DYNC2I1: variants seen among roughly 807,000 people sequenced by gnomAD.
DYNC2I1 encodes dynein 2 intermediate chain 1, also known as cytoplasmic dynein 2 intermediate chain 1.
Under a neutral mutation model 133.4 loss-of-function variants are expected in DYNC2I1, and 89 were observed. That is an observed-to-expected ratio of 0.67 (90% CI 0.56 to 0.80). The LOEUF (loss-of-function observed/expected upper bound fraction) is 0.80, where lower values mean the gene tolerates loss of function less well. Among genes scored for constraint, DYNC2I1 ranks in the 30% least tolerant of loss-of-function variants. The pLI, the probability that DYNC2I1 is intolerant of heterozygous loss-of-function variation, is 0.00. For missense variants in DYNC2I1, 1,291 were observed against 1,314.5 expected, an observed-to-expected ratio of 0.98 and a Z score of 0.28; for synonymous variants, 504 against 484.3, an observed-to-expected ratio of 1.04 and a Z score of -0.54.
rs1849601567 is a variant in DYNC2I1 at position 158,926,200 on chromosome 7, C to G, written c.2271C>G (p.Thr757=). 6.2e-7 allele frequency: 1 copy of G among 1,612,880 alleles called. No homozygotes were observed. The highest frequency in any genetic ancestry group is 1.7e-5 in the Admixed American group (1 of 59,882). ...TTTGAACTCCAGATGGAATCCTTAC[C>G]TCAGTAAACCACCGAAGCCCTCTTC... ...TATFSTDGIL[T]SVNHRSPLQA... The change falls in exon 18 of 25, where the codon ACC becomes ACG. Residue 757 remains threonine (T), a synonymous_variant. Coordinates refer to ENST00000407559, the MANE Select transcript of DYNC2I1 (RefSeq NM_018051.5).
At chr7:158,903,740 A>T (rs192411113) in intron 10 of DYNC2I1, 15 of 152,294 alleles carry the variant, frequency 9.8e-5, no homozygotes, top group Admixed American at 9.1e-4. Flanking sequence ...AGCACACAGG[A>T]TTTCCTGACA....
intron 23 of DYNC2I1, among the ~76,000 whole-genome samples, chr7:158,935,071 A>G (rs752439449): frequency 5.9e-5 from 9 of 152,372 alleles, no homozygotes; most frequent in Non-Finnish European, 1.2e-4. Context: ...AACCTATGAT[A>G]CAGCCAAAAA....
intron 13 of DYNC2I1, 103 bp from the exon 14 acceptor site, chr7:158,914,130 C>T (rs1345904026): frequency 4.6e-6 from 4 of 862,582 alleles, no homozygotes; most frequent in Non-Finnish European, 7.1e-6. Context: ...CCTTCTGGGA[C>T]TCTTAATGTT....
rs780645636 is a variant in DYNC2I1, at chr7:158,901,865, TA to T, written c.1137+54del. ...CCTTAGCTTAAAAATCATTTATTCTTAAAAATCAGCTTATATATAGTAATTT... is the reference window on the plus strand; with the variant it reads ...CCTTAGCTTAAAAATCATTTATTCTTAAAATCAGCTTATATATAGTAATTT... On this transcript the variant is annotated intron_variant, in intron 9 of 24. Transcript: ENST00000407559. The T allele has an allele frequency of 6.3e-5, 85 of 1,347,984 alleles. 3 individuals carry two copies. The South Asian group carries it at 1.1e-3, about 18-fold the overall frequency. 83.5% of individuals were successfully genotyped at this position (1,347,984 alleles called of 1,614,324 possible). A position where few individuals can be genotyped will look rare whatever the true frequency, so the allele number is the denominator to read the frequency against.
At chr7:158,943,398 G>A (rs540633427) in intron 24 of DYNC2I1, among the ~76,000 whole-genome samples, 13 of 152,322 alleles carry the variant, frequency 8.5e-5, no homozygotes, top group African/African-American at 3.1e-4. Context: ...GAAAGACAAT[G>A]AGCAGAGTGA....
intron 6 of DYNC2I1, among the ~76,000 whole-genome samples, chr7:158,885,686 A>G (rs1420642282): frequency 6.6e-6 from 1 of 152,130 alleles, no homozygotes; most frequent in Non-Finnish European, 1.5e-5. Context: ...GTTCTTTCTG[A>G]CAATCATATT....
At chr7:158,928,022 T>C (rs1849793036) in intron 20 of DYNC2I1, among the ~76,000 whole-genome samples, 1 of 152,224 alleles carries the variant, frequency 6.6e-6, no homozygotes, top group Non-Finnish European at 1.5e-5. Flanking sequence ...CTCTCAGTTT[T>C]GGATTTACAA....
chr7:158,944,422 G>T (rs2527199), intron 24 of DYNC2I1, among the ~76,000 whole-genome samples: 1 of 151,992 alleles, frequency 6.6e-6, no homozygotes, highest in African/African-American at 2.4e-5. Context: ...TTATTTGCCC[G>T]GTGTCAGGGA....
At chr7:158,856,805 G>A in intron 1 of DYNC2I1, 55 bp downstream of exon 1, 20 of 1,230,796 alleles carry the variant, frequency 1.6e-5, no homozygotes, top group Non-Finnish European at 2.0e-5. Flanking sequence ...GGACTCCTTC[G>A]GGCGCCGCTA....
chr7:158,843,417 C>T, the DYNC2I1 span, among the ~76,000 whole-genome samples: 63 of 152,226 alleles, frequency 4.1e-4, no homozygotes, highest in Admixed American at 3.1e-3. Context: ...CCCACCACAA[C>T]GCCTAATTTT....
intron 3 of DYNC2I1, among the ~76,000 whole-genome samples, chr7:158,871,893 A>G (rs1385778062): frequency 2.0e-5 from 3 of 152,140 alleles, no homozygotes; most frequent in Non-Finnish European, 2.9e-5. Flanking sequence ...TGAAATGTTC[A>G]TTTGTTATTT....
intron 8 of DYNC2I1, among the ~76,000 whole-genome samples, chr7:158,895,788 T>A (rs1322534485): frequency 6.6e-6 from 1 of 152,242 alleles, no homozygotes; most frequent in Non-Finnish European, 1.5e-5. Flanking sequence ...TTTATTTAGT[T>A]CTTTGTTTTT....
intron 1 of DYNC2I1, 91 bp downstream of exon 1, chr7:158,856,841 G>A (rs923899152): frequency 8.3e-7 from 1 of 1,210,978 alleles, no homozygotes; most frequent in East Asian, 3.2e-5. Context: ...CCCTCCCTTT[G>A]CGCAGCGGTT....
chr7:158,864,891 T>C (rs1036797995), intron 1 of DYNC2I1, among the ~76,000 whole-genome samples: 1 of 152,254 alleles, frequency 6.6e-6, no homozygotes. Flanking sequence ...GAGTGTTTTC[T>C]AAAAGAGGAG....
chr7:158,924,761 C>CT (rs760992706), intron 17 of DYNC2I1, among the ~76,000 whole-genome samples: 142 of 148,018 alleles, frequency 9.6e-4, no homozygotes, highest in East Asian at 6.3e-3. Context: ...ATACATCCTT[C>CT]TTTTTTTTTT....
intron 6 of DYNC2I1, among the ~76,000 whole-genome samples, chr7:158,886,616 T>G (rs1160696855): frequency 6.6e-6 from 1 of 152,220 alleles, no homozygotes; most frequent in African/African-American, 2.4e-5. Context: ...AAAAAAATTA[T>G]TTTTTGAGAA....
At chr7:158,896,458 A>G (rs1210135299) in intron 8 of DYNC2I1, among the ~76,000 whole-genome samples, 1 of 152,000 alleles carries the variant, frequency 6.6e-6, no homozygotes, top group Non-Finnish European at 1.5e-5. Flanking sequence ...GTGGTGTATG[A>G]TTCTTTTTAT....
chr7:158,907,273 C>CTT (rs36062364), intron 11 of DYNC2I1, among the ~76,000 whole-genome samples: 6,199 of 99,624 alleles, frequency 0.062, 238 homozygotes, highest in African/African-American at 0.11. Flanking sequence ...CCATGGCCTT[C>CTT]TTTTTTTTTT....
At chr7:158,867,937 G>C (rs1024232659) in intron 1 of DYNC2I1, among the ~76,000 whole-genome samples, 2 of 152,076 alleles carry the variant, frequency 1.3e-5, no homozygotes, top group Non-Finnish European at 2.9e-5. Context: ...GAGGAGTTTG[G>C]GCAACATGGC....
Sources: gnomAD v4.1 joint callset for allele counts (sites outside exome capture counted in the v4.1 genomes callset) on GRCh38, gnomAD v4.1.1 for gene constraint, MANE v1.5 for transcripts, NCBI Gene and HGNC (gene_info 2026-07-23, HGNC 2026-07-21) for gene names.